Variants in EEFSEC observed in about 807,000 individuals in gnomAD.
EEFSEC encodes the protein selenocysteine-specific elongation factor.
Under a neutral mutation model 42.1 loss-of-function variants are expected in EEFSEC, and 43 were observed. The ratio of observed to expected loss-of-function variants is 1.02; its 90% CI spans 0.80 to 1.32. The LOEUF (loss-of-function observed/expected upper bound fraction) is 1.32, where lower values mean the gene tolerates loss of function less well. Ranked by LOEUF, EEFSEC falls within the 40% of genes most tolerant of loss-of-function variation. EEFSEC has a pLI of 0.00. For missense variants in EEFSEC, 745 were observed against 803.6 expected, an observed-to-expected ratio of 0.93 and a Z score of 0.88; for synonymous variants, 354 against 339.1, an observed-to-expected ratio of 1.04 and a Z score of -0.48.
chr3:128,224,956 C>T (rs922675270), intron 1 of EEFSEC, among the ~76,000 whole-genome samples: 6 of 152,242 alleles, frequency 3.9e-5, no homozygotes, highest in African/African-American at 1.2e-4. Context: ...TTTGAATCCA[C>T]ACCCCTCTTA....
chr3:128,243,672 G>T (rs2066097309), intron 1 of EEFSEC, among the ~76,000 whole-genome samples: 1 of 152,206 alleles, frequency 6.6e-6, no homozygotes, highest in South Asian at 2.1e-4. Flanking sequence ...CCTGGGGCAG[G>T]TGTTCTGGGC....
chr3:128,348,413 C>A (rs1243148869), intron 5 of EEFSEC, among the ~76,000 whole-genome samples: 2 of 152,042 alleles, frequency 1.3e-5, no homozygotes, highest in African/African-American at 4.8e-5. Context: ...TTCTCTTTTT[C>A]AGTGTTCTTT....
At chr3:128,391,188 T>C (rs2067908743) in intron 6 of EEFSEC, among the ~76,000 whole-genome samples, 1 of 152,210 alleles carries the variant, frequency 6.6e-6, no homozygotes, top group African/African-American at 2.4e-5. Flanking sequence ...ATGCACAGAC[T>C]CCCTGGCCTG....
intron 6 of EEFSEC, among the ~76,000 whole-genome samples, chr3:128,364,742 A>G (rs1438172079): frequency 6.6e-6 from 1 of 152,082 alleles, no homozygotes; most frequent in Non-Finnish European, 1.5e-5. Flanking sequence ...TGCTGTGGGG[A>G]TGCACTGGCA....
chr3:128,258,766 T>A (rs1333977945), intron 2 of EEFSEC, among the ~76,000 whole-genome samples: 1 of 152,240 alleles, frequency 6.6e-6, no homozygotes, highest in African/African-American at 2.4e-5. Flanking sequence ...ATTACATATA[T>A]TTAATGTATG....
At chr3:128,343,303 C>A (rs1488117113) in intron 5 of EEFSEC, among the ~76,000 whole-genome samples, 2 of 152,168 alleles carry the variant, frequency 1.3e-5, no homozygotes, top group African/African-American at 4.8e-5. Flanking sequence ...AGCCCCTTCC[C>A]CTCCCTTTCT....
chr3:128,417,352 C>T, the EEFSEC span, among the ~76,000 whole-genome samples: 1 of 152,228 alleles, frequency 6.6e-6, no homozygotes, highest in Middle Eastern at 3.4e-3. This position sits in a 1 kb window ranked among gnomAD's most constrained non-coding sequence, Gnocchi z 4.3. Context: ...AGAGGGAGCC[C>T]CTGCTCCTGG....
intron 4 of EEFSEC, among the ~76,000 whole-genome samples, chr3:128,278,492 C>T (rs754849245): frequency 1.7e-4 from 26 of 152,058 alleles, no homozygotes; most frequent in Non-Finnish European, 3.8e-4. Context: ...AAGTTGGGGA[C>T]GTTTGGGGAA....
At chr3:128,157,159 A>T (rs989230363) in intron 1 of EEFSEC, among the ~76,000 whole-genome samples, 1 of 152,250 alleles carries the variant, frequency 6.6e-6, no homozygotes, top group Non-Finnish European at 1.5e-5. Context: ...ACATTCCCTT[A>T]AGTGGAAGCC....
In EEFSEC at chr3:128,246,864, G is replaced by C. The variant is rs1333597377; in HGVS notation, c.345G>C (p.Leu115=). 2.5e-6 allele frequency: 4 copies of C among 1,614,028 alleles called. No homozygotes were observed. Among genetic ancestry groups the C allele is most frequent in the Non-Finnish European group, 3.4e-6 (4 of 1,179,952 alleles). The change falls in exon 2 of 7, where the codon CTG becomes CTC. Residue 115 remains leucine, a synonymous_variant. Transcript: ENST00000254730. ...CCCAGATCATTGATCTGATGATGCTGGTCATCGATGTGACCAAGGGGATGC... is the reference window on the plus strand; with the variant it reads ...CCCAGATCATTGATCTGATGATGCTCGTCATCGATGTGACCAAGGGGATGC... ...GGAQIIDLMM[L]VIDVTKGMQT...
intron 1 of EEFSEC, among the ~76,000 whole-genome samples, chr3:128,202,955 T>C (rs1559866803): frequency 6.6e-6 from 1 of 152,234 alleles, no homozygotes; most frequent in African/African-American, 2.4e-5. Context: ...GGAATTATAC[T>C]GATTGATTTT....
chr3:128,360,638 T>G (rs1267081335), intron 6 of EEFSEC, among the ~76,000 whole-genome samples: 1 of 143,592 alleles, frequency 7.0e-6, no homozygotes, highest in African/African-American at 2.6e-5. Flanking sequence ...GGGGTGGGAG[T>G]GAAGGGAGCC....
chr3:128,184,973 T>C (rs1159396874), intron 1 of EEFSEC, among the ~76,000 whole-genome samples: 1 of 152,156 alleles, frequency 6.6e-6, no homozygotes. Flanking sequence ...AGTTTGAGGC[T>C]ACAGTGTGCT....
intron 4 of EEFSEC, among the ~76,000 whole-genome samples, chr3:128,303,864 A>G (rs774570750): frequency 3.3e-4 from 50 of 152,338 alleles, no homozygotes; most frequent in Non-Finnish European, 4.6e-4. Context: ...ACAAGGAGAA[A>G]GCACAGTATC....
intron 6 of EEFSEC, among the ~76,000 whole-genome samples, chr3:128,358,979 C>T (rs2067492362): frequency 6.6e-6 from 1 of 152,328 alleles, no homozygotes. Context: ...TTCTGTGTTG[C>T]AAGCATTGTG....
intron 1 of EEFSEC, among the ~76,000 whole-genome samples, chr3:128,211,848 C>CTTTTTTTTTTTT (rs34885945): frequency 6.8e-4 from 35 of 51,696 alleles, no homozygotes; most frequent in African/African-American, 2.3e-3. Context: ...TTTTTCTTTT[C>CTTTTTTTTTTTT]TTTTTTTTTT....
chr3:128,322,102 C>T (rs573355105), intron 4 of EEFSEC, among the ~76,000 whole-genome samples: 87 of 152,362 alleles, frequency 5.7e-4, no homozygotes, highest in Middle Eastern at 3.4e-3. Context: ...CCCTCTATAG[C>T]AGGAGCAGTT....
chr3:128,396,872 T>G (rs1237281848), intron 6 of EEFSEC, among the ~76,000 whole-genome samples: 8 of 152,240 alleles, frequency 5.3e-5, no homozygotes, highest in Non-Finnish European at 1.2e-4. Flanking sequence ...TGCCCATTTT[T>G]GGGCATTTTG....
intron 6 of EEFSEC, among the ~76,000 whole-genome samples, chr3:128,379,501 C>T (rs2067748859): frequency 6.6e-6 from 1 of 152,138 alleles, no homozygotes; most frequent in Non-Finnish European, 1.5e-5. Flanking sequence ...GATGGAGTAA[C>T]ACAATACGTT....
Sources: gnomAD v4.1 joint callset for allele counts (sites outside exome capture counted in the v4.1 genomes callset) on GRCh38, gnomAD v4.1.1 for gene constraint, Gnocchi (gnomAD v3.1) non-coding constraint, MANE v1.5 for transcripts, NCBI Gene and HGNC (gene_info 2026-07-23, HGNC 2026-07-21) for gene names.